NAV2: variants seen among roughly 807,000 people sequenced by gnomAD.
The protein encoded by NAV2 is neuron navigator 2.
In NAV2, 54 loss-of-function variants were observed where a neutral mutation model predicts 223.2. The ratio of observed to expected loss-of-function variants is 0.24; its 90% CI spans 0.19 to 0.30. The LOEUF is 0.30. NAV2 is among the 10% of genes least tolerant of loss of function. The pLI is 1.00. For synonymous variants in NAV2, 1,279 were observed against 1,239.3 expected (o/e 1.03, Z -0.67); for missense variants, 2,806 against 3,147.5 (o/e 0.89, Z 2.60).
At chr11:19,497,811 T>A (rs867023022) in intron 1 of NAV2, among the ~76,000 whole-genome samples, 5 of 151,990 alleles carry the variant, frequency 3.3e-5, no homozygotes, top group African/African-American at 7.3e-5. Context: ...CAGCAGAAAG[T>A]CTTCTGCTCC....
chr11:19,976,103 A>G (rs1250303305), intron 10 of NAV2, among the ~76,000 whole-genome samples: 4 of 152,210 alleles, frequency 2.6e-5, no homozygotes, highest in Admixed American at 2.6e-4. Flanking sequence ...ACGTAGAAGC[A>G]CTTGCGTTTT....
chr11:19,770,222 C>G (rs2055596900), intron 1 of NAV2, among the ~76,000 whole-genome samples: 1 of 151,426 alleles, frequency 6.6e-6, no homozygotes, highest in African/African-American at 2.4e-5. Flanking sequence ...TCTGTGCCCA[C>G]AGTTCTGTGG....
At chr11:20,046,596 T>TCAAACACACA (rs142368792) in intron 14 of NAV2, among the ~76,000 whole-genome samples, 114 of 145,976 alleles carry the variant, frequency 7.8e-4, no homozygotes, top group African/African-American at 2.4e-3. Context: ...CCCCTCCCCA[T>TCAAACACACA]CACACACACA....
At chr11:19,475,090 G>C (rs2042076141) in intron 1 of NAV2, among the ~76,000 whole-genome samples, 1 of 152,244 alleles carries the variant, frequency 6.6e-6, no homozygotes, top group African/African-American at 2.4e-5. Context: ...GAGAAGGGGA[G>C]GTCTCTCCAC....
chr11:19,599,670 G>C (rs1473791034), intron 1 of NAV2, among the ~76,000 whole-genome samples: 3 of 152,170 alleles, frequency 2.0e-5, no homozygotes. Flanking sequence ...AGGTTTCAAG[G>C]AATGCTTCTG....
upstream of NAV2, among the ~76,000 whole-genome samples, chr11:19,349,520 C>G (rs949216520): frequency 6.6e-6 from 1 of 152,140 alleles, no homozygotes; most frequent in African/African-American, 2.4e-5. Flanking sequence ...CCGCTGCGGC[C>G]GGATCTGGCC....
intron 1 of NAV2, among the ~76,000 whole-genome samples, chr11:19,594,678 A>G (rs1282091669): frequency 2.0e-5 from 3 of 152,096 alleles, no homozygotes; most frequent in Admixed American, 6.5e-5. Flanking sequence ...GTATAGATTA[A>G]ATAGAGAGGA....
At chr11:19,594,673 G>T (rs995907667) in intron 1 of NAV2, among the ~76,000 whole-genome samples, 2 of 152,178 alleles carry the variant, frequency 1.3e-5, no homozygotes, top group African/African-American at 4.8e-5. Context: ...TGATTGTATA[G>T]ATTAAATAGA....
At chr11:19,994,525 G>A (rs951857485) in intron 11 of NAV2, among the ~76,000 whole-genome samples, 90 of 140,864 alleles carry the variant, frequency 6.4e-4, no homozygotes, top group African/African-American at 2.2e-3. Flanking sequence ...CAGCCTGGGC[G>A]ACAAGAGCAA....
intron 6 of NAV2, among the ~76,000 whole-genome samples, chr11:19,923,873 G>A (rs1463274728): frequency 3.3e-5 from 5 of 152,192 alleles, no homozygotes; most frequent in African/African-American, 1.2e-4. Context: ...TTCTCCTGGG[G>A]ATTTTGAACA....
At chr11:19,863,017 A>G (rs2153026612) in intron 3 of NAV2, among the ~76,000 whole-genome samples, 1 of 152,282 alleles carries the variant, frequency 6.6e-6, no homozygotes, top group Non-Finnish European at 1.5e-5. Context: ...ATGTGACCAC[A>G]AATGTTGATA....
intron 1 of NAV2, among the ~76,000 whole-genome samples, chr11:19,432,490 T>C (rs1851071002): frequency 6.6e-6 from 1 of 152,076 alleles, no homozygotes; most frequent in African/African-American, 2.4e-5. Flanking sequence ...ATAGAGAGTA[T>C]GTTGGGAAAA....
intron 1 of NAV2, among the ~76,000 whole-genome samples, chr11:19,589,232 A>C (rs1347803784): frequency 6.6e-6 from 1 of 152,242 alleles, no homozygotes; most frequent in Non-Finnish European, 1.5e-5. Context: ...CAAAAAAACA[A>C]ACAAAAAACC....
chr11:19,810,297 T>G lies in NAV2; in HGVS notation c.268-22187T>G, dbSNP rs532798254. On this transcript the variant is annotated intron_variant, in intron 1 of 37. Coordinates refer to ENST00000349880, the MANE Select transcript of NAV2 (RefSeq NM_145117.5). ...CATTGTGTTTTGGAGTGGGGATATA[T>G]GCCTACATTTTGGCACTATACTGTG... Among the ~76,000 whole-genome samples, 5 of 152,314 alleles carry G rather than the reference T, an allele frequency of 3.3e-5. No individual in the cohort carries two copies. The South Asian group carries it at 1.0e-3, about 32-fold the overall frequency.
chr11:19,552,930 G>C (rs567847549), intron 1 of NAV2, among the ~76,000 whole-genome samples: 1 of 152,116 alleles, frequency 6.6e-6, no homozygotes, highest in African/African-American at 2.4e-5. Flanking sequence ...GGAGTGCTGA[G>C]ACCATCCTTC....
At chr11:19,882,916 G>C (rs997559981) in intron 5 of NAV2, among the ~76,000 whole-genome samples, 1 of 152,090 alleles carries the variant, frequency 6.6e-6, no homozygotes, top group Non-Finnish European at 1.5e-5. Context: ...CTTTCTAATT[G>C]TATTTCCAAA....
intron 1 of NAV2, among the ~76,000 whole-genome samples, chr11:19,691,911 T>C (rs2049186227): frequency 6.6e-6 from 1 of 152,236 alleles, no homozygotes; most frequent in South Asian, 2.1e-4. Context: ...CTTGAAGGCC[T>C]GTGTGTTCTG....
At chr11:19,986,574 T>C (rs975545023) in intron 11 of NAV2, among the ~76,000 whole-genome samples, 2 of 152,286 alleles carry the variant, frequency 1.3e-5, no homozygotes, top group Middle Eastern at 3.4e-3. Context: ...GAGCCGAGAT[T>C]GTGCCATTGC....
intron 6 of NAV2, among the ~76,000 whole-genome samples, chr11:19,931,967 T>C (rs1212324144): frequency 1.3e-5 from 2 of 152,058 alleles, no homozygotes; most frequent in Admixed American, 6.5e-5. Context: ...CCTTGAGAGA[T>C]AGGCTGCATC....
Sources: allele counts gnomAD v4.1 joint callset (sites outside exome capture counted in the v4.1 genomes callset), GRCh38; gene constraint gnomAD v4.1.1; transcripts MANE v1.5; gene names NCBI Gene and HGNC (gene_info 2026-07-23, HGNC 2026-07-21).